ITPK1: variants seen among roughly 807,000 people sequenced by gnomAD.
ITPK1 encodes inositol-tetrakisphosphate 1-kinase.
ITPK1 carries 21 observed loss-of-function variants against 45.3 expected under a neutral mutation model. The ratio of observed to expected loss-of-function variants is 0.46; its 90% CI spans 0.33 to 0.67. The LOEUF (loss-of-function observed/expected upper bound fraction) is 0.67, where lower values mean the gene tolerates loss of function less well. ITPK1 is among the 30% of genes least tolerant of loss of function. The pLI, the probability that ITPK1 is intolerant of heterozygous loss-of-function variation, is 0.02. For missense variants in ITPK1, 474 were observed against 573.5 expected (o/e 0.83, Z 1.77); for synonymous variants, 258 against 253.6 (o/e 1.02, Z -0.16).
At chr14:92,954,190 T>C (rs908832144) in intron 8 of ITPK1, among the ~76,000 whole-genome samples, 1 of 152,198 alleles carries the variant, frequency 6.6e-6, no homozygotes, top group Non-Finnish European at 1.5e-5. Context: ...CCACCGCACC[T>C]GGCCCTTCTG....
chr14:92,948,962 G>A (rs74446077), intron 9 of ITPK1, among the ~76,000 whole-genome samples: 3,875 of 117,036 alleles, frequency 0.033, 150 homozygotes, highest in African/African-American at 0.14. Flanking sequence ...CTCCCACCCC[G>A]GCTTTGCAGG....
chr14:93,093,807 C>T (rs1891959009), intron 2 of ITPK1, among the ~76,000 whole-genome samples: 1 of 152,234 alleles, frequency 6.6e-6, no homozygotes, highest in Non-Finnish European at 1.5e-5. Context: ...TGGACAATCG[C>T]AGCAGCCTCC....
intron 3 of ITPK1, among the ~76,000 whole-genome samples, chr14:93,047,983 C>CGG (rs1889853497): frequency 2.0e-5 from 3 of 152,232 alleles, no homozygotes; most frequent in Admixed American, 2.0e-4. Flanking sequence ...GGCCTGAAAC[C>CGG]TGCCAGACCT....
intron 3 of ITPK1, among the ~76,000 whole-genome samples, chr14:93,042,952 A>G (rs943996382): frequency 6.6e-6 from 1 of 152,046 alleles, no homozygotes; most frequent in African/African-American, 2.4e-5. Flanking sequence ...CAGGAGGCGG[A>G]GGTTGTAGTG....
chr14:93,038,743 T>C (rs1011937499), intron 3 of ITPK1, among the ~76,000 whole-genome samples: 3 of 152,180 alleles, frequency 2.0e-5, no homozygotes. Flanking sequence ...GCCAGGCTGG[T>C]CTGGAACTCC....
At chr14:92,989,125 T>A (rs567397246) in intron 5 of ITPK1, among the ~76,000 whole-genome samples, 1 of 152,178 alleles carries the variant, frequency 6.6e-6, no homozygotes, top group Non-Finnish European at 1.5e-5. Context: ...TTCTCCAGGC[T>A]CTAAGGAATG....
intron 4 of ITPK1, among the ~76,000 whole-genome samples, chr14:93,002,769 T>A (rs891172029): frequency 1.3e-5 from 2 of 152,064 alleles, no homozygotes; most frequent in African/African-American, 4.8e-5. Flanking sequence ...CCAGCCCCCA[T>A]CTTTTTGGAA....
At chr14:92,997,034 A>G (rs1346770445) in intron 4 of ITPK1, among the ~76,000 whole-genome samples, 1 of 152,248 alleles carries the variant, frequency 6.6e-6, no homozygotes, top group Non-Finnish European at 1.5e-5. Context: ...TGAAGGCTGC[A>G]CAGGGGAGCC....
intron 4 of ITPK1, among the ~76,000 whole-genome samples, chr14:93,002,233 C>G (rs1012414055): frequency 1.3e-5 from 2 of 152,106 alleles, no homozygotes; most frequent in African/African-American, 4.8e-5. Flanking sequence ...CGCACCTACT[C>G]AGGAGGCTGA....
intron 5 of ITPK1, among the ~76,000 whole-genome samples, chr14:92,973,706 A>G (rs1332653581): frequency 6.6e-6 from 1 of 152,148 alleles, no homozygotes; most frequent in African/African-American, 2.4e-5. Flanking sequence ...GCCACCCAGT[A>G]ACACCCACAG....
At chr14:93,006,661 C>T (rs1302513836) in intron 4 of ITPK1, among the ~76,000 whole-genome samples, 11 of 151,960 alleles carry the variant, frequency 7.2e-5, no homozygotes, top group Admixed American at 7.2e-4. Flanking sequence ...GTGTGAGCCA[C>T]GGCTGGGAGA....
chr14:93,016,624 CCCT>C lies in ITPK1; in HGVS notation c.246+49_246+51del. Reference sequence around the variant, plus strand: ...ACACACACGGCCATTCCAGGGCCTCCCCTCCTCCTCCTGAAAATGCCACAGCCA... The same window carrying C: ...ACACACACGGCCATTCCAGGGCCTCCCCTCCTCCTGAAAATGCCACAGCCA... On this transcript the variant is annotated intron_variant, in intron 4 of 10. Transcript: ENST00000267615. This position sits in a 1 kb window ranked among gnomAD's most constrained non-coding sequence, Gnocchi z 5.0. The C allele has an allele frequency of 6.3e-7, 1 of 1,599,296 alleles. No homozygotes were observed. The highest frequency in any genetic ancestry group is 8.6e-7 in the Non-Finnish European group (1 of 1,169,012).
chr14:93,076,573 C>T lies in ITPK1; in HGVS notation c.120+22G>A, dbSNP rs769586779. The T allele has an allele frequency of 6.2e-6, 10 of 1,614,070 alleles. No individual in the cohort carries two copies. Among genetic ancestry groups the T allele is most frequent in the African/African-American group, 1.3e-5 (1 of 75,042 alleles). Reference sequence around the variant, plus strand: ...AAGGGCCCCACTACCCAAAGAACCACGGGGACGCGGTCTGTACTCACCTGC... The same window carrying T: ...AAGGGCCCCACTACCCAAAGAACCATGGGGACGCGGTCTGTACTCACCTGC... On this transcript the variant is annotated intron_variant, in intron 3 of 10. Transcript: ENST00000267615. The surrounding 1 kb of genome is among the most constrained non-coding windows in gnomAD (Gnocchi z 4.3).
At position 93,003,031 on chromosome 14, in the gene ITPK1, C is replaced by G. The variant is rs577666272; in HGVS notation, c.247-9034G>C. Among the ~76,000 whole-genome samples, 3 of 152,332 alleles carry G rather than the reference C, an allele frequency of 2.0e-5. No individual in the cohort carries two copies. In the South Asian group the frequency reaches 6.2e-4, roughly 32 times the overall value. ...CTGAAGGCCACAGTCCACAGGGCCT[C>G]TGTGAGGAGGGTCCGCGTGGCGCAG... On this transcript the variant is annotated intron_variant, in intron 4 of 10. Coordinates refer to ENST00000267615, the MANE Select transcript of ITPK1 (RefSeq NM_014216.6).
At chr14:93,103,042 G>C (rs549967179) in intron 2 of ITPK1, among the ~76,000 whole-genome samples, 4 of 146,972 alleles carry the variant, frequency 2.7e-5, no homozygotes, top group Non-Finnish European at 4.5e-5. Flanking sequence ...GGAGCTTGCA[G>C]TGAGCCAAGA....
intron 5 of ITPK1, among the ~76,000 whole-genome samples, chr14:92,992,155 C>T (rs917191580): frequency 1.3e-5 from 2 of 152,208 alleles, no homozygotes; most frequent in Non-Finnish European, 2.9e-5. Context: ...TGGACTTGTC[C>T]GGGACATGAG....
intron 5 of ITPK1, among the ~76,000 whole-genome samples, chr14:92,977,184 T>C (rs1237661078): frequency 6.6e-6 from 1 of 152,250 alleles, no homozygotes; most frequent in African/African-American, 2.4e-5. Flanking sequence ...AAGTGTCAGA[T>C]CCCAACATCC....
At position 93,063,364 on chromosome 14, in the gene ITPK1, G is replaced by A. The variant is rs1890613117; in HGVS notation, c.120+13231C>T. 2.0e-5 allele frequency among the ~76,000 whole-genome samples: 3 copies of A among 152,196 alleles called. No homozygotes were observed. The highest frequency in any genetic ancestry group is 6.5e-5 in the Admixed American group (1 of 15,282). On this transcript the variant is annotated intron_variant, in intron 3 of 10. Transcript: ENST00000267615. This position sits in a 1 kb window ranked among gnomAD's most constrained non-coding sequence, Gnocchi z 4.3. ...TGGAGGCCAAACTCCTGCCCAGTGA[G>A]ACAGGGGTGTGAGCTTCACAAGACC...
chr14:93,041,754 GC>G (rs1275103116), intron 3 of ITPK1, among the ~76,000 whole-genome samples: 4 of 152,174 alleles, frequency 2.6e-5, no homozygotes, highest in Admixed American at 1.3e-4. Context: ...TGGCTGGCAG[GC>G]CCCAGTCCTG....
Sources: gnomAD v4.1 joint callset for allele counts (sites outside exome capture counted in the v4.1 genomes callset) on GRCh38, gnomAD v4.1.1 for gene constraint, Gnocchi (gnomAD v3.1) non-coding constraint, MANE v1.5 for transcripts, NCBI Gene and HGNC (gene_info 2026-07-23, HGNC 2026-07-21) for gene names.